Variants in NWD2 observed in about 807,000 individuals in gnomAD.
NWD2 encodes the protein NACHT and WD repeat domain-containing protein 2.
NWD2 carries 37 observed loss-of-function variants against 132.7 expected under a neutral mutation model. The observed-to-expected ratio is 0.28, with a 90% confidence interval of 0.21 to 0.37. The LOEUF (loss-of-function observed/expected upper bound fraction) is 0.37, where lower values mean the gene tolerates loss of function less well. NWD2 is among the 10% of genes least tolerant of loss of function. The pLI is 1.00. For synonymous variants in NWD2, 705 were observed against 803.0 expected (o/e 0.88, Z 2.06); for missense variants, 1,592 against 2,122.4 (o/e 0.75, Z 4.91).
intron 2 of NWD2, among the ~76,000 whole-genome samples, chr4:37,334,054 C>T (rs1577671202): frequency 1.3e-5 from 2 of 151,968 alleles, no homozygotes; most frequent in Middle Eastern, 3.4e-3. Flanking sequence ...AGCATGCCTA[C>T]GAGAGCTAGA....
rs118092737 is a variant in NWD2, at chr4:37,434,503, C to T, written c.706+483C>T. ...AAGTAATCAAATAAATGAACAAGAT[C>T]GTATCAAAAGTGATTGATAAGTATT... is the stretch of plus-strand genomic sequence containing the variant. On this transcript the variant is annotated intron_variant, in intron 5 of 6. Transcript: ENST00000309447. Among the ~76,000 whole-genome samples the T allele has an allele frequency of 1.3e-3, 205 of 152,030 alleles. 7 individuals are homozygous for T. The East Asian group carries it at 0.035, about 26-fold the overall frequency.
chr4:37,407,365 C>T (rs1219984078), intron 3 of NWD2, among the ~76,000 whole-genome samples: 1 of 152,158 alleles, frequency 6.6e-6, no homozygotes, highest in Non-Finnish European at 1.5e-5. Flanking sequence ...AACATTAGTA[C>T]CCAAGGAGGA....
intron 3 of NWD2, among the ~76,000 whole-genome samples, chr4:37,370,580 G>A (rs182070401): frequency 1.3e-5 from 2 of 152,214 alleles, no homozygotes; most frequent in East Asian, 1.9e-4. Flanking sequence ...ATTGGTCTCC[G>A]GCTTGAATCA....
chr4:37,379,992 T>C (rs899269504), intron 3 of NWD2, among the ~76,000 whole-genome samples: 1 of 152,260 alleles, frequency 6.6e-6, no homozygotes, highest in Non-Finnish European at 1.5e-5. Flanking sequence ...CAAGAAGCAT[T>C]TGAACTTGGC....
rs192803446 is a variant in NWD2 at position 37,334,675 on chromosome 4, G to T, written c.240+8651G>T. ...GTTAGGACAGGGACCTCTAAAGGGG[G>T]TGTTTAGCTAATCTCAATACTTAGG... On this transcript the variant is annotated intron_variant, in intron 2 of 6. Transcript: ENST00000309447. Among the ~76,000 whole-genome samples, 9 of 152,306 alleles carry T rather than the reference G, an allele frequency of 5.9e-5. No individual in the cohort carries two copies. In the East Asian group the frequency reaches 1.7e-3, roughly 29 times the overall value.
chr4:37,442,088 A>G (rs754194181), intron 6 of NWD2, among the ~76,000 whole-genome samples: 6 of 152,230 alleles, frequency 3.9e-5, no homozygotes, highest in Non-Finnish European at 8.8e-5. Context: ...AACAACAGCA[A>G]CGAAATGTTT....
rs1336201386 is a variant in NWD2 at position 37,345,910 on chromosome 4, G to A, written c.241-10456G>A. Among the ~76,000 whole-genome samples the A allele has an allele frequency of 7.2e-5, 11 of 151,948 alleles. No individual in the cohort carries two copies. The East Asian group carries it at 9.7e-4, about 13-fold the overall frequency. ...AGCATGGCCAACATGGCAAAATCCC[G>A]TCTCTACTAAAAATACAAAAATTAG... On this transcript the variant is annotated intron_variant, in intron 2 of 6. Coordinates refer to ENST00000309447, the MANE Select transcript of NWD2 (RefSeq NM_001144990.2).
chr4:37,318,355 T>G (rs1253070904), intron 1 of NWD2, among the ~76,000 whole-genome samples: 1 of 152,170 alleles, frequency 6.6e-6, no homozygotes, highest in Admixed American at 6.5e-5. Context: ...GATGTAAGGA[T>G]GTATGAGAAG....
At chr4:37,338,053 T>C (rs535052218) in intron 2 of NWD2, among the ~76,000 whole-genome samples, 2 of 152,358 alleles carry the variant, frequency 1.3e-5, no homozygotes, top group South Asian at 2.1e-4. Flanking sequence ...TCTTAACAGC[T>C]GGATGTCTAT....
chr4:37,344,162 A>AT (rs1014516087), intron 2 of NWD2, among the ~76,000 whole-genome samples: 11 of 152,176 alleles, frequency 7.2e-5, no homozygotes, highest in Non-Finnish European at 1.3e-4. Flanking sequence ...GCTAAACTTA[A>AT]TTTTTTAAAG....
intron 1 of NWD2, among the ~76,000 whole-genome samples, chr4:37,277,376 T>TC (rs1718041527): frequency 6.6e-6 from 1 of 152,098 alleles, no homozygotes; most frequent in African/African-American, 2.4e-5. Flanking sequence ...TGCCTTTTTT[T>TC]CTCTTCTTCT....
In NWD2 at chr4:37,371,750, T is replaced by C. The variant is rs537358061; in HGVS notation, c.357+15268T>C. Among the ~76,000 whole-genome samples the C allele has an allele frequency of 2.0e-5, 3 of 152,356 alleles. 1 individual carries two copies. The highest frequency in any genetic ancestry group is 7.2e-5 in the African/African-American group (3 of 41,590). On this transcript the variant is annotated intron_variant, in intron 3 of 6. Coordinates refer to ENST00000309447, the MANE Select transcript of NWD2 (RefSeq NM_001144990.2). ...GTGTCTTCTACTTTTTTTATTTCCC[T>C]GGAGAAAATGTTAAAATATGTATTC...
At chr4:37,255,073 C>A (rs1363202455) in intron 1 of NWD2, among the ~76,000 whole-genome samples, 3 of 152,194 alleles carry the variant, frequency 2.0e-5, no homozygotes, top group African/African-American at 7.2e-5. Context: ...ACCCATTGTG[C>A]ACTAGCAAAC....
Position 37,443,852 on chromosome 4 carries a change from C to T in NWD2, c.1864C>T (p.His622Tyr). The T allele has an allele frequency of 6.4e-7, 1 of 1,552,110 alleles. No individual in the cohort carries two copies. The highest frequency in any genetic ancestry group is 8.7e-7 in the Non-Finnish European group (1 of 1,147,112). ...FVNLTFREVR[H>Y]WRSHKDVDES... The stretch of plus-strand genomic sequence containing the variant: ...GAACCTGACCTTCAGGGAGGTGAGG[C>T]ACTGGAGATCTCACAAAGACGTCGA... Residue 622 changes from histidine (H) to tyrosine (Y), a missense_variant, in exon 7 of 7, where the codon CAC becomes TAC. By Grantham distance (83) the His-to-Tyr change is moderately conservative. Around this residue, in one of 7 missense-constraint regions of NWD2, gnomAD observed 1,071 missense variants for 1,398.0 expected, o/e 0.77. Coordinates refer to ENST00000309447, the MANE Select transcript of NWD2 (RefSeq NM_001144990.2). The surrounding 1 kb of genome is among the most constrained non-coding windows in gnomAD (Gnocchi z 4.1).
rs1156884728 is a variant in NWD2, at chr4:37,395,584, CAAAAAAAAAAAA to C, written c.358-34974_358-34963del. Among the ~76,000 whole-genome samples, 19 of 18,286 alleles carry C rather than the reference CAAAAAAAAAAAA, an allele frequency of 1.0e-3. No individual in the cohort carries two copies. In the East Asian group the frequency reaches 0.02, roughly 19 times the overall value. The allele number at this position is 18,286 out of a possible 152,430, so 12.0% of individuals were successfully genotyped here. A position where few individuals can be genotyped will look rare whatever the true frequency, so the allele number is the denominator to read the frequency against. ...GGGCAACAAGAGCGAAACTCTGTCTCAAAAAAAAAAAAAAAAAAAAAAAAAGAGTCTGCCTCT... is the reference window on the plus strand; with the variant it reads ...GGGCAACAAGAGCGAAACTCTGTCTCAAAAAAAAAAAAAGAGTCTGCCTCT... On this transcript the variant is annotated intron_variant, in intron 3 of 6. Coordinates refer to ENST00000309447, the MANE Select transcript of NWD2 (RefSeq NM_001144990.2).
At chr4:37,346,083 A>C (rs1426181783) in intron 2 of NWD2, among the ~76,000 whole-genome samples, 3 of 143,932 alleles carry the variant, frequency 2.1e-5, no homozygotes, top group Non-Finnish European at 4.5e-5. Flanking sequence ...CTCTGTCTCA[A>C]AAAAAAAAAA....
chr4:37,298,383 A>G (rs1455316235), intron 1 of NWD2, among the ~76,000 whole-genome samples: 4 of 152,168 alleles, frequency 2.6e-5, no homozygotes, highest in Non-Finnish European at 4.4e-5. Context: ...GACTTTGTCT[A>G]ATATTTGTTC....
rs75142604 is a variant in NWD2, at chr4:37,373,274, T to C, written c.357+16792T>C. 9.7e-3 allele frequency among the ~76,000 whole-genome samples: 1,476 copies of C among 152,150 alleles called. 27 individuals carry two copies. Among genetic ancestry groups the C allele is most frequent in the African/African-American group, 0.034 (1,396 of 41,410 alleles). On this transcript the variant is annotated intron_variant, in intron 3 of 6. Transcript: ENST00000309447. The stretch of plus-strand genomic sequence containing the variant: ...AGGTTCATGGTCATAACTACTCTCT[T>C]TCTAATATTTTCCTTGCCACTTGAT...
intron 3 of NWD2, among the ~76,000 whole-genome samples, chr4:37,426,758 C>G (rs895818113): frequency 1.3e-5 from 2 of 152,076 alleles, no homozygotes; most frequent in Non-Finnish European, 2.9e-5. Context: ...GAGAATGGAC[C>G]TAGCAACCTA....
Sources: allele counts gnomAD v4.1 joint callset (sites outside exome capture counted in the v4.1 genomes callset), GRCh38; gene constraint gnomAD v4.1.1; regional missense constraint gnomAD v4.1.1; non-coding constraint Gnocchi (gnomAD v3.1); transcripts MANE v1.5; gene names NCBI Gene and HGNC (gene_info 2026-07-23, HGNC 2026-07-21).